Variants in A3GALT2 observed in about 807,000 individuals in gnomAD.
A3GALT2 encodes alpha 1,3-galactosyltransferase 2, also known as alpha-1,3-galactosyltransferase 2.
A3GALT2 carries 14 observed loss-of-function variants against 16.6 expected under a neutral mutation model. The observed-to-expected ratio is 0.84, with a 90% CI of 0.56 to 1.32. A3GALT2 has a LOEUF of 1.32. Ranked by LOEUF, A3GALT2 falls within the 40% of genes most tolerant of loss-of-function variation. The pLI is 0.00. For synonymous variants in A3GALT2, 253 were observed against 218.0 expected, an observed-to-expected ratio of 1.16 and a Z score of -1.42; for missense variants, 600 against 490.9, an observed-to-expected ratio of 1.22 and a Z score of -2.10.
At chr1:33,308,754 T>G (rs947208245) in intron 4 of A3GALT2, among the ~76,000 whole-genome samples, 1 of 94,200 alleles carries the variant, frequency 1.1e-5, no homozygotes, top group South Asian at 2.9e-4. Context: ...AAAGTTGTTT[T>G]TTTTTTTTTT....
intron 1 of A3GALT2, among the ~76,000 whole-genome samples, chr1:33,317,683 T>A (rs1164363251): frequency 6.6e-6 from 1 of 152,246 alleles, no homozygotes; most frequent in South Asian, 2.1e-4. Flanking sequence ...ACCCCAGGGT[T>A]CATCAGTAGG....
intron 1 of A3GALT2, among the ~76,000 whole-genome samples, chr1:33,315,380 C>CA (rs60385074): frequency 0.01 from 1,089 of 108,644 alleles, 8 homozygotes; most frequent in Middle Eastern, 0.049. Context: ...GACTCTGTCT[C>CA]AAAAAAAAAA....
rs1220268869 is a variant in A3GALT2 at position 33,307,289 on chromosome 1, C to T, written c.500G>A (p.Arg167Gln). ...RLPVERVARE[R>Q]RWQDVSMARM... ...CGCCATCGACACGTCTTGCCAGCGCCGCTCGCGCGCCACGCGCTCCACGGG... is the reference window on the plus strand; with the variant it reads ...CGCCATCGACACGTCTTGCCAGCGCTGCTCGCGCGCCACGCGCTCCACGGG... The change falls in exon 5 of 5, where the codon CGG (arginine) becomes CAG (glutamine). Residue 167 changes from arginine to glutamine, a missense_variant. Arg to Gln is a conservative substitution (Grantham distance 43). Transcript: ENST00000442999. 7 of 1,444,842 alleles carry T rather than the reference C, an allele frequency of 4.8e-6. No individual in the cohort carries two copies. The highest frequency in any genetic ancestry group is 6.3e-6 in the Non-Finnish European group (7 of 1,107,818). 89.5% of individuals were successfully genotyped at this position (1,444,842 alleles called of 1,614,324 possible).
rs1646244695 is a variant in A3GALT2 at position 33,313,185 on chromosome 1, T to TTTG, written c.24-296_24-295insCAA. On this transcript the variant is annotated intron_variant, in intron 1 of 4. Coordinates refer to ENST00000442999, the MANE Select transcript of A3GALT2 (RefSeq NM_001080438.1). ...TGGCTCAGTGACGGAGTTTTTTTTT[T>TTTG]TTTTTTTTTTTTTTTTGAGACAGCC... 1.6e-5 allele frequency: 4 copies of TTTG among 251,616 alleles called. 1 individual carries two copies. The highest frequency in any genetic ancestry group is 7.8e-5 in the African/African-American group (3 of 38,542). 15.6% of individuals were successfully genotyped at this position (251,616 alleles called of 1,614,324 possible). A position where few individuals can be genotyped will look rare whatever the true frequency, so the allele number is the denominator to read the frequency against.
chr1:33,307,148 G>A lies in A3GALT2; in HGVS notation c.641C>T (p.Ala214Val). 2 of 1,552,098 alleles carry A rather than the reference G, an allele frequency of 1.3e-6. No homozygotes were observed. The highest frequency in any genetic ancestry group is 1.9e-5 in the Admixed American group (1 of 52,400). Residue 214 changes from alanine (A) to valine (V), a missense_variant, in exon 5 of 5, where the codon GCC becomes GTC. Ala to Val is a moderately conservative substitution (Grantham distance 64). Coordinates refer to ENST00000442999, the MANE Select transcript of A3GALT2 (RefSeq NM_001080438.1). ...GGAGTGCAGCTGCGCCACCGACTCG[G>A]CCAGCGCCTCGGGCCCAAAAGTGCC... ...FSGTFGPEAL[A>V]ESVAQLHSWH...
chr1:33,318,917 A>C (rs969804403), intron 1 of A3GALT2, among the ~76,000 whole-genome samples: 3 of 152,150 alleles, frequency 2.0e-5, no homozygotes, highest in South Asian at 4.1e-4. Context: ...TGAAACAACG[A>C]ATGAGTTATT....
In A3GALT2 at chr1:33,307,152, G is replaced by GCGCCT; in HGVS notation, c.632_636dup (p.Leu213ArgfsTer58). On this transcript the variant is annotated frameshift_variant, in exon 5 of 5. Coordinates refer to ENST00000442999, the MANE Select transcript of A3GALT2 (RefSeq NM_001080438.1). LOFTEE classifies it low-confidence loss of function (END_TRUNC). ...TGCAGCTGCGCCACCGACTCGGCCA[G>GCGCCT]CGCCTCGGGCCCAAAAGTGCCGCTG... 1.3e-6 allele frequency: 2 copies of GCGCCT among 1,552,926 alleles called. No individual in the cohort carries two copies. The highest frequency in any genetic ancestry group is 1.7e-6 in the Non-Finnish European group (2 of 1,152,786).
chr1:33,306,805 C>A lies in A3GALT2; in HGVS notation c.984G>T (p.Leu328=). ...GPRAEIRRPR[L]LWAPKGYRLL... ...GCCGGTACCCCTTGGGCGCCCACAG[C>A]AGTCGCGGGCGGCGGATCTCGGCCC... Residue 328 remains leucine, a synonymous_variant, in exon 5 of 5, where the codon CTG becomes CTT. Coordinates refer to ENST00000442999, the MANE Select transcript of A3GALT2 (RefSeq NM_001080438.1). 1 of 1,464,092 alleles carries A rather than the reference C, an allele frequency of 6.8e-7. No homozygotes were observed. 90.7% of individuals were successfully genotyped at this position (1,464,092 alleles called of 1,614,324 possible).
At chr1:33,313,159 G>A (rs957169839) in intron 1 of A3GALT2, among the ~76,000 whole-genome samples, 11 of 135,082 alleles carry the variant, frequency 8.1e-5, no homozygotes, top group South Asian at 2.5e-4. Flanking sequence ...ACAAGTGTTT[G>A]TGGCTCAGTG....
Position 33,306,938 on chromosome 1 carries a change from A to T in A3GALT2, c.851T>A (p.Leu284Gln). Residue 284 changes from leucine (L) to glutamine (Q), a missense_variant, in exon 5 of 5, where the codon CTG becomes CAG. Transcript: ENST00000442999. ...GCTCTCGTCGTGCCAGCGCGCCTCCAGGCCGCGCGCGCGGTCCCAGTCCAG... is the reference window on the plus strand; with the variant it reads ...GCTCTCGTCGTGCCAGCGCGCCTCCTGGCCGCGCGCGCGGTCCCAGTCCAG... ...GGLDWDRARGLEARWHDESHL... is the reference protein window; with the variant it reads ...GGLDWDRARGQEARWHDESHL... The T allele has an allele frequency of 2.0e-6, 3 of 1,512,508 alleles. No homozygotes were observed. Among genetic ancestry groups the T allele is most frequent in the Non-Finnish European group, 2.6e-6 (3 of 1,136,846 alleles). 93.7% of individuals were successfully genotyped at this position (1,512,508 alleles called of 1,614,324 possible). A position where few individuals can be genotyped will look rare whatever the true frequency, so the allele number is the denominator to read the frequency against.
chr1:33,317,123 C>T (rs1646265428), intron 1 of A3GALT2, among the ~76,000 whole-genome samples: 1 of 152,050 alleles, frequency 6.6e-6, no homozygotes. Flanking sequence ...CAGGGAGAGG[C>T]ATTATCTCAG....
intron 4 of A3GALT2, among the ~76,000 whole-genome samples, chr1:33,311,563 T>G (rs537323176): frequency 1.9e-4 from 29 of 152,160 alleles, no homozygotes; most frequent in Non-Finnish European, 3.1e-4. Flanking sequence ...TCCCTTGCAA[T>G]CCTTCAGCTC....
chr1:33,308,747 GTTGTTTTT>G (rs1646216066), intron 4 of A3GALT2, among the ~76,000 whole-genome samples: 1 of 67,210 alleles, frequency 1.5e-5, no homozygotes. Context: ...TCATGTCAAA[GTTGTTTTT>G]TTTTTTTTTT....
At chr1:33,312,616 C>T (rs777963125) in intron 2 of A3GALT2, 26 bp from the exon 3 acceptor site, 1 of 1,546,972 alleles carries the variant, frequency 6.5e-7, no homozygotes, top group Non-Finnish European at 8.8e-7. Context: ...GGGCGGGGGG[C>T]AGGCAGCCGT....
intron 4 of A3GALT2, among the ~76,000 whole-genome samples, chr1:33,308,764 T>TTTTTTTTTG (rs1646217258): frequency 8.5e-6 from 1 of 117,918 alleles, no homozygotes; most frequent in African/African-American, 4.0e-5. Flanking sequence ...TTTTTTTTTT[T>TTTTTTTTTG]TTTTTTTTTT....
At chr1:33,309,712 C>T (rs1306776293) in intron 4 of A3GALT2, among the ~76,000 whole-genome samples, 25 of 150,434 alleles carry the variant, frequency 1.7e-4, no homozygotes, top group African/African-American at 4.7e-4. Context: ...GAAAGGGCGG[C>T]GGGGCAGAGG....
intron 1 of A3GALT2, among the ~76,000 whole-genome samples, chr1:33,318,226 A>G (rs1420298226): frequency 1.3e-5 from 2 of 152,240 alleles, no homozygotes; most frequent in Non-Finnish European, 2.9e-5. Flanking sequence ...TAATTTAAAC[A>G]TGTCTAGTAG....
chr1:33,307,285 G>A lies in A3GALT2; in HGVS notation c.504C>T (p.Arg168=). Residue 168 remains arginine, a synonymous_variant, in exon 5 of 5, where the codon CGC becomes CGT. Coordinates refer to ENST00000442999, the MANE Select transcript of A3GALT2 (RefSeq NM_001080438.1). The part of the protein sequence containing the change: ...LPVERVARER[R]WQDVSMARMR... ...TGCGCGCCATCGACACGTCTTGCCAGCGCCGCTCGCGCGCCACGCGCTCCA... is the reference window on the plus strand; with the variant it reads ...TGCGCGCCATCGACACGTCTTGCCAACGCCGCTCGCGCGCCACGCGCTCCA... The A allele has an allele frequency of 7.0e-7, 1 of 1,438,198 alleles. No homozygotes were observed. The highest frequency in any genetic ancestry group is 9.1e-7 in the Non-Finnish European group (1 of 1,103,982). 89.1% of individuals were successfully genotyped at this position (1,438,198 alleles called of 1,614,324 possible).
At chr1:33,314,654 ATCTCTGC>A (rs1646253315) in intron 1 of A3GALT2, 1 of 152,370 alleles carries the variant, frequency 6.6e-6, no homozygotes, top group Middle Eastern at 3.1e-3. Context: ...GGTCTCCTTG[ATCTCTGC>A]TCCCCCTGCT....
Sources: gnomAD v4.1 joint callset for allele counts (sites outside exome capture counted in the v4.1 genomes callset) on GRCh38, gnomAD v4.1.1 for gene constraint, MANE v1.5 for transcripts, NCBI Gene and HGNC (gene_info 2026-07-23, HGNC 2026-07-21) for gene names.